GRM8: variants seen among roughly 807,000 people sequenced by gnomAD.
GRM8 encodes the protein metabotropic glutamate receptor 8.
Under a neutral mutation model 87.2 loss-of-function variants are expected in GRM8, and 47 were observed. That is an observed-to-expected ratio of 0.54 (90% CI 0.43 to 0.69). The LOEUF (loss-of-function observed/expected upper bound fraction) is 0.69. Among genes scored for constraint, GRM8 ranks in the 30% least tolerant of loss-of-function variants. The pLI is 0.00. For synonymous variants in GRM8, 396 were observed against 404.5 expected (o/e 0.98, Z 0.25); for missense variants, 1,019 against 1,139.2 (o/e 0.89, Z 1.52).
At chr7:127,144,970 G>A (rs1828473381) in intron 2 of GRM8, among the ~76,000 whole-genome samples, 1 of 152,000 alleles carries the variant, frequency 6.6e-6, no homozygotes, top group Non-Finnish European at 1.5e-5. Flanking sequence ...TTTAATATAT[G>A]CATCTTTTCC....
chr7:126,583,961 C>A (rs561717788), intron 8 of GRM8, among the ~76,000 whole-genome samples: 1 of 152,072 alleles, frequency 6.6e-6, no homozygotes, highest in East Asian at 1.9e-4. Flanking sequence ...AAATCTTTCA[C>A]GAAAGAGTCC....
At chr7:126,470,135 AC>A (rs1329594439) in intron 9 of GRM8, among the ~76,000 whole-genome samples, 1 of 152,084 alleles carries the variant, frequency 6.6e-6, no homozygotes, top group African/African-American at 2.4e-5. Flanking sequence ...GATCTGTGGA[AC>A]TTTTGACCTT....
intron 6 of GRM8, among the ~76,000 whole-genome samples, chr7:126,812,570 T>A (rs1341358170): frequency 6.6e-6 from 1 of 152,058 alleles, no homozygotes; most frequent in Non-Finnish European, 1.5e-5. Context: ...CATGACTGCA[T>A]ACAGGAGGAT....
intron 5 of GRM8, among the ~76,000 whole-genome samples, 198 bp from the exon 6 acceptor site, chr7:126,902,877 C>A (rs530474256): frequency 2.6e-5 from 4 of 152,238 alleles, no homozygotes; most frequent in African/African-American, 9.6e-5. Flanking sequence ...ACAATCCCCC[C>A]ACACCACCAC....
intron 8 of GRM8, among the ~76,000 whole-genome samples, chr7:126,595,307 C>T (rs185380112): frequency 3.9e-5 from 6 of 151,986 alleles, no homozygotes; most frequent in South Asian, 4.2e-4. Flanking sequence ...TCGCAGTTCA[C>T]GGCAACCTCC....
intron 3 of GRM8, among the ~76,000 whole-genome samples, chr7:126,938,372 CT>C: frequency 6.6e-6 from 1 of 152,230 alleles, no homozygotes; most frequent in African/African-American, 2.4e-5. Flanking sequence ...TAAACAACAT[CT>C]ATGTTGTTTG....
chr7:126,705,158 T>G (rs1810362907), intron 7 of GRM8, among the ~76,000 whole-genome samples: 1 of 152,224 alleles, frequency 6.6e-6, no homozygotes, highest in East Asian at 1.9e-4. Context: ...TACATGACTA[T>G]CGGGGGCAGG....
intron 6 of GRM8, among the ~76,000 whole-genome samples, chr7:126,775,479 GTTTT>G (rs372733476): frequency 1.2e-4 from 13 of 104,756 alleles, no homozygotes; most frequent in African/African-American, 4.3e-4. Context: ...TGACAAATAG[GTTTT>G]TTTTTTTTTT....
At chr7:126,535,790 T>A (rs905878565) in intron 8 of GRM8, among the ~76,000 whole-genome samples, 2 of 152,082 alleles carry the variant, frequency 1.3e-5, no homozygotes, top group Non-Finnish European at 2.9e-5. Context: ...TACCTCATCA[T>A]GAAAACTCTC....
At chr7:126,811,500 G>T (rs1010461846) in intron 6 of GRM8, among the ~76,000 whole-genome samples, 5 of 151,866 alleles carry the variant, frequency 3.3e-5, no homozygotes, top group Non-Finnish European at 7.4e-5. Flanking sequence ...CATGAGAATA[G>T]GATGTTGTTC....
intron 3 of GRM8, among the ~76,000 whole-genome samples, chr7:127,083,951 C>G (rs952085101): frequency 6.6e-6 from 1 of 152,152 alleles, no homozygotes; most frequent in Non-Finnish European, 1.5e-5. Flanking sequence ...GGAACCTGAA[C>G]ACCTGACAAC....
chr7:127,095,289 C>T (rs970056097), intron 3 of GRM8, among the ~76,000 whole-genome samples: 1 of 151,808 alleles, frequency 6.6e-6, no homozygotes, highest in Admixed American at 6.6e-5. Flanking sequence ...CAAACCCTGG[C>T]AACTTGTGGG....
intron 7 of GRM8, among the ~76,000 whole-genome samples, chr7:126,667,307 G>C (rs187918416): frequency 1.3e-5 from 2 of 152,154 alleles, no homozygotes; most frequent in East Asian, 3.9e-4. Flanking sequence ...AACATTGTAC[G>C]TGGAAGTAGC....
At chr7:126,615,573 G>C (rs1438151334) in intron 7 of GRM8, among the ~76,000 whole-genome samples, 1 of 152,126 alleles carries the variant, frequency 6.6e-6, no homozygotes, top group Non-Finnish European at 1.5e-5. Context: ...AAAAGACACA[G>C]ACTGGCAAAT....
chr7:126,971,790 C>T lies in GRM8; in HGVS notation c.728-67107G>A, dbSNP rs192882410. The stretch of plus-strand genomic sequence containing the variant: ...CAGGAGCACAGGCAGCAATAAGATC[C>T]GGGTGTATAAGGCAAAAGTCCAAAG... On this transcript the variant is annotated intron_variant, in intron 3 of 10. Transcript: ENST00000339582. Among the ~76,000 whole-genome samples, 6 of 152,136 alleles carry T rather than the reference C, an allele frequency of 3.9e-5. 1 individual carries two copies. Among genetic ancestry groups the T allele is most frequent in the South Asian group, 2.1e-4 (1 of 4,804 alleles).
chr7:126,630,666 CA>C (rs1801167806), intron 7 of GRM8, among the ~76,000 whole-genome samples: 1 of 151,966 alleles, frequency 6.6e-6, no homozygotes, highest in African/African-American at 2.4e-5. Flanking sequence ...GCAGCACACA[CA>C]AAAGTTTATC....
At chr7:126,991,716 G>A (rs1419662622) in intron 3 of GRM8, among the ~76,000 whole-genome samples, 1 of 152,068 alleles carries the variant, frequency 6.6e-6, no homozygotes, top group South Asian at 2.1e-4. Flanking sequence ...TTCTACTAAA[G>A]CAAAAATGGA....
At chr7:126,782,904 G>T (rs1336547189) in intron 6 of GRM8, among the ~76,000 whole-genome samples, 1 of 152,118 alleles carries the variant, frequency 6.6e-6, no homozygotes, top group Non-Finnish European at 1.5e-5. Context: ...AGTGCCAGTG[G>T]CTGATTAAAG....
intron 8 of GRM8, among the ~76,000 whole-genome samples, chr7:126,573,840 G>A (rs1794892896): frequency 6.6e-6 from 1 of 152,048 alleles, no homozygotes; most frequent in Non-Finnish European, 1.5e-5. Flanking sequence ...ATCCACCTTG[G>A]CTTCCCAAAG....
Sources: gnomAD v4.1 joint callset for allele counts (sites outside exome capture counted in the v4.1 genomes callset) on GRCh38, gnomAD v4.1.1 for gene constraint, MANE v1.5 for transcripts, NCBI Gene and HGNC (gene_info 2026-07-23, HGNC 2026-07-21) for gene names.